Variants in COBL observed in about 807,000 individuals in gnomAD.
COBL encodes protein cordon-bleu.
In COBL, 51 loss-of-function variants were observed where a neutral mutation model predicts 98.8. That is an observed-to-expected ratio of 0.52 (90% confidence interval 0.41 to 0.65). The LOEUF is 0.65. COBL is among the 30% of genes least tolerant of loss of function. The pLI, the probability that COBL is intolerant of heterozygous loss-of-function variation, is 0.00. For synonymous variants in COBL, 634 were observed against 651.7 expected (o/e 0.97, Z 0.41); for missense variants, 1,617 against 1,617.5 (o/e 1.00, Z 0.01).
chr7:51,230,209 C>G (rs935341036), intron 1 of COBL, among the ~76,000 whole-genome samples: 4 of 152,188 alleles, frequency 2.6e-5, no homozygotes, highest in African/African-American at 9.6e-5. Flanking sequence ...CAGCACACTG[C>G]CACCTCGCTG....
intron 5 of COBL, among the ~76,000 whole-genome samples, chr7:51,162,114 TC>T (rs1056645784): frequency 3.9e-5 from 6 of 152,166 alleles, no homozygotes; most frequent in Admixed American, 3.9e-4. Context: ...CTATGTGACC[TC>T]CCCGTGTCTT....
chr7:51,222,066 G>A (rs2129091316), intron 1 of COBL, among the ~76,000 whole-genome samples: 1 of 152,288 alleles, frequency 6.6e-6, no homozygotes, highest in East Asian at 1.9e-4. Flanking sequence ...GCAGATGCCT[G>A]TAATCCCAGC....
At chr7:51,066,913 C>T (rs1255909337) in intron 7 of COBL, among the ~76,000 whole-genome samples, 2 of 152,222 alleles carry the variant, frequency 1.3e-5, no homozygotes, top group Non-Finnish European at 2.9e-5. Flanking sequence ...TGGATTTCTG[C>T]CCTATCTAAC....
intron 1 of COBL, among the ~76,000 whole-genome samples, chr7:51,258,257 C>A (rs1797380433): frequency 6.6e-6 from 1 of 151,854 alleles, no homozygotes; most frequent in African/African-American, 2.4e-5. Flanking sequence ...TTGTGCCATT[C>A]TTCCTATGTA....
chr7:51,215,744 G>A (rs957600090), intron 2 of COBL, among the ~76,000 whole-genome samples: 1 of 152,230 alleles, frequency 6.6e-6, no homozygotes, highest in Non-Finnish European at 1.5e-5. Context: ...ACATCCAAGA[G>A]TGCAAGGCCA....
At chr7:51,184,942 A>T (rs77331840) in intron 4 of COBL, among the ~76,000 whole-genome samples, 1 of 152,192 alleles carries the variant, frequency 6.6e-6, no homozygotes, top group South Asian at 2.1e-4. Context: ...AACTGCATCA[A>T]ATCTCCCAGG....
intron 1 of COBL, among the ~76,000 whole-genome samples, chr7:51,315,701 T>C (rs1300214114): frequency 6.6e-6 from 1 of 151,934 alleles, no homozygotes; most frequent in Non-Finnish European, 1.5e-5. Context: ...CGGCCCAGCC[T>C]GCACCGCTGG....
intron 6 of COBL, among the ~76,000 whole-genome samples, chr7:51,086,853 T>C (rs1794309175): frequency 6.6e-6 from 1 of 152,146 alleles, no homozygotes; most frequent in Admixed American, 6.5e-5. Flanking sequence ...AACCACCTCC[T>C]ATACCTCTAA....
At chr7:51,304,279 T>C (rs1178951385) in intron 1 of COBL, among the ~76,000 whole-genome samples, 1 of 152,162 alleles carries the variant, frequency 6.6e-6, no homozygotes, top group African/African-American at 2.4e-5. Context: ...CACAGGCAGG[T>C]CCAGCCTTCT....
At chr7:51,236,773 G>A (rs1795295116) in intron 1 of COBL, among the ~76,000 whole-genome samples, 1 of 152,260 alleles carries the variant, frequency 6.6e-6, no homozygotes, top group Non-Finnish European at 1.5e-5. Context: ...AAATAATGTG[G>A]TCAAGGCATC....
At chr7:51,260,436 A>C (rs1175856640) in intron 1 of COBL, among the ~76,000 whole-genome samples, 1 of 152,216 alleles carries the variant, frequency 6.6e-6, no homozygotes, top group African/African-American at 2.4e-5. Flanking sequence ...GATAGATTCT[A>C]AACATCCACA....
intron 1 of COBL, among the ~76,000 whole-genome samples, chr7:51,314,092 G>C (rs953386746): frequency 1.3e-5 from 2 of 152,204 alleles, no homozygotes; most frequent in African/African-American, 4.8e-5. Context: ...ATAACTACCT[G>C]TTAATAATTT....
intron 4 of COBL, among the ~76,000 whole-genome samples, chr7:51,188,971 C>A (rs1034220722): frequency 2.0e-5 from 3 of 152,190 alleles, no homozygotes; most frequent in Non-Finnish European, 2.9e-5. Context: ...AAACAGTTTT[C>A]CCTTTATTTT....
chr7:51,152,441 C>T (rs1028000990), intron 5 of COBL, among the ~76,000 whole-genome samples: 18 of 152,090 alleles, frequency 1.2e-4, no homozygotes, highest in Admixed American at 1.2e-3. Flanking sequence ...CCCCAAGCTG[C>T]CGACTCCCAC....
rs149766712 is a variant in COBL at position 51,225,435 on chromosome 7, C to T, written c.42-5491G>A. 6.3e-3 allele frequency among the ~76,000 whole-genome samples: 954 copies of T among 152,272 alleles called. 12 individuals carry two copies. The highest frequency in any genetic ancestry group is 0.022 in the African/African-American group (897 of 41,552). ...TGGGCACACCCATCGCAGGTGCTCCCGGCTGGCAGTGCACACAGGCTGGGT... is the reference window on the plus strand; with the variant it reads ...TGGGCACACCCATCGCAGGTGCTCCTGGCTGGCAGTGCACACAGGCTGGGT... On this transcript the variant is annotated intron_variant, in intron 1 of 12. Coordinates refer to ENST00000265136, the MANE Select transcript of COBL (RefSeq NM_015198.5).
intron 5 of COBL, among the ~76,000 whole-genome samples, chr7:51,160,542 C>T (rs544386014): frequency 2.6e-5 from 4 of 152,288 alleles, no homozygotes; most frequent in East Asian, 1.9e-4. Context: ...GCAACAGGGC[C>T]GAGCCAACCT....
chr7:51,136,297 T>G lies in COBL; in HGVS notation c.818A>C (p.His273Pro). The change falls in exon 6 of 13, where the codon CAC (histidine) becomes CCC (proline). Residue 273 changes from histidine (H) to proline (P), a missense_variant. By Grantham distance (77) the His-to-Pro change is moderately conservative. Coordinates refer to ENST00000265136, the MANE Select transcript of COBL (RefSeq NM_015198.5). ...TGGACCCAGCGTAAGAGAACGTGAG[T>G]GCATGGATGGGGAGTTGGGGGTCGT... The part of the protein sequence containing the change: ...CLTTPNSPSM[H>P]SRSLTLGPSL... 1 of 1,613,688 alleles carries G rather than the reference T, an allele frequency of 6.2e-7. No homozygotes were observed. Among genetic ancestry groups the G allele is most frequent in the Non-Finnish European group, 8.5e-7 (1 of 1,179,920 alleles).
At chr7:51,315,685 A>T (rs1584482041) in intron 1 of COBL, among the ~76,000 whole-genome samples, 1 of 151,958 alleles carries the variant, frequency 6.6e-6, no homozygotes, top group South Asian at 2.1e-4. Flanking sequence ...ACTGCGCGCT[A>T]CCCCGCGGCC....
At chr7:51,173,949 A>G (rs540442145) in intron 5 of COBL, among the ~76,000 whole-genome samples, 40 of 152,292 alleles carry the variant, frequency 2.6e-4, no homozygotes, top group East Asian at 1.7e-3. Context: ...ACATACCTAT[A>G]ATTTTTTTTC....
Sources: allele counts gnomAD v4.1 joint callset (sites outside exome capture counted in the v4.1 genomes callset), GRCh38; gene constraint gnomAD v4.1.1; transcripts MANE v1.5; gene names NCBI Gene and HGNC (gene_info 2026-07-23, HGNC 2026-07-21).